Variants in BRD9 observed in about 807,000 individuals in gnomAD.
BRD9 encodes the protein bromodomain containing 9.
Under a neutral mutation model 68.7 loss-of-function variants are expected in BRD9, and 47 were observed. The ratio of observed to expected loss-of-function variants is 0.68; its 90% CI spans 0.54 to 0.87. BRD9 has a LOEUF of 0.87. BRD9 is among the 40% of genes least tolerant of loss of function. The pLI is 0.00. For missense variants in BRD9, 670 were observed against 748.4 expected (o/e 0.90, Z 1.22); for synonymous variants, 313 against 293.9 (o/e 1.06, Z -0.67).
chr5:887,254 G>A, intron 6 of BRD9, 107 bp downstream of exon 6: 1 of 916,092 alleles, frequency 1.1e-6, no homozygotes, highest in South Asian at 1.5e-5. Context: ...CCATGAGGGT[G>A]GCGGGTGGAT....
intron 8 of BRD9, chr5:882,358 GGCCACAACCTCCAGCACACAA>G (rs1751895735): frequency 6.5e-6 from 1 of 153,738 alleles, no homozygotes; most frequent in Admixed American, 6.6e-5. Flanking sequence ...GAGCCACGCA[GGCCACAACCTCCAGCACACAA>G]GCCACATAAA....
At chr5:876,689 T>C (rs1469452573) in intron 11 of BRD9, among the ~76,000 whole-genome samples, 1 of 152,020 alleles carries the variant, frequency 6.6e-6, no homozygotes, top group Non-Finnish European at 1.5e-5. Context: ...AAATAAAATA[T>C]AATACAATCT....
At chr5:891,418 C>G in intron 2 of BRD9, 131 bp from the exon 3 acceptor site, 1 of 1,386,282 alleles carries the variant, frequency 7.2e-7, no homozygotes, top group South Asian at 1.5e-5. Flanking sequence ...CTCCTCATGC[C>G]AGGCTCCCTC....
In BRD9 at chr5:864,295, G is replaced by A. The variant is rs1445821883; in HGVS notation, c.*173C>T. On this transcript the variant is annotated 3_prime_UTR_variant, in exon 16 of 16. Transcript: ENST00000467963. ...CGTATGACTCCACTCCTCAGGGTTCGTGGGGCTTGGAGACTCTGCTGACAT... is the reference window on the plus strand; with the variant it reads ...CGTATGACTCCACTCCTCAGGGTTCATGGGGCTTGGAGACTCTGCTGACAT... The A allele has an allele frequency of 1.5e-5, 8 of 522,926 alleles. No homozygotes were observed. Among genetic ancestry groups the A allele is most frequent in the Admixed American group, 9.8e-5 (3 of 30,534 alleles). 32.4% of individuals were successfully genotyped at this position (522,926 alleles called of 1,614,324 possible).
chr5:891,108 A>C (rs1330264923), intron 3 of BRD9, 47 bp downstream of exon 3: 1 of 1,503,678 alleles, frequency 6.7e-7, no homozygotes, highest in Non-Finnish European at 8.9e-7. Context: ...CTCATTTACA[A>C]CGATGAGCTG....
chr5:872,543 C>A (rs2150567023), intron 12 of BRD9, among the ~76,000 whole-genome samples: 1 of 152,294 alleles, frequency 6.6e-6, no homozygotes, highest in African/African-American at 2.4e-5. Flanking sequence ...CTGGAAGGAG[C>A]CTGCAGGCCA....
At chr5:885,286 AAC>A (rs1752383813) in intron 7 of BRD9, among the ~76,000 whole-genome samples, 2 of 152,196 alleles carry the variant, frequency 1.3e-5, no homozygotes, top group African/African-American at 4.8e-5. Flanking sequence ...GTTGCCAAGC[AAC>A]ACACTCTGGC....
At position 883,911 on chromosome 5, in the gene BRD9, C is replaced by G. The variant is rs575706897; in HGVS notation, c.966+27G>C. ...CAGAGAGTCTGGGGCCACGTGGCAC[C>G]CTCTCTCGGTGGCCACAGAGCACTA... On this transcript the variant is annotated intron_variant, in intron 8 of 15. Coordinates refer to ENST00000467963, the MANE Select transcript of BRD9 (RefSeq NM_023924.5). 159 of 1,603,220 alleles carry G rather than the reference C, an allele frequency of 9.9e-5. 3 individuals are homozygous for G. The South Asian group carries it at 1.7e-3, about 17-fold the overall frequency.
At chr5:883,087 C>A in intron 8 of BRD9, 2 of 358,034 alleles carry the variant, frequency 5.6e-6, no homozygotes, top group East Asian at 7.4e-5. Context: ...CACGACCTCC[C>A]AACACGTGAG....
chr5:865,246 C>T (rs991209660), intron 15 of BRD9, among the ~76,000 whole-genome samples, 168 bp downstream of exon 15: 7 of 152,230 alleles, frequency 4.6e-5, no homozygotes, highest in East Asian at 1.9e-4. Flanking sequence ...GGCTCTGCAC[C>T]GAGGCCGCGA....
In BRD9 at chr5:871,186, G is replaced by A. The variant is rs111408993; in HGVS notation, c.1422+340C>T. On this transcript the variant is annotated intron_variant, in intron 13 of 15. Transcript: ENST00000467963. ...CACTGCCCTGCCAGCACTGGCCCCAGAGCCCACTGTGCTTGGGACAACACC... is the reference window on the plus strand; with the variant it reads ...CACTGCCCTGCCAGCACTGGCCCCAAAGCCCACTGTGCTTGGGACAACACC... 1.3e-4 allele frequency among the ~76,000 whole-genome samples: 20 copies of A among 152,306 alleles called. 1 individual carries two copies. Among genetic ancestry groups the A allele is most frequent in the African/African-American group, 4.8e-4 (20 of 41,568 alleles).
At chr5:891,930 C>T (rs950511683) in intron 1 of BRD9, 76 bp from the exon 2 acceptor site, 7 of 1,529,968 alleles carry the variant, frequency 4.6e-6, no homozygotes, top group South Asian at 1.2e-5. Flanking sequence ...CGTGAAGGTG[C>T]TAAGAGGGAA....
At chr5:872,395 C>G (rs1353753110) in intron 12 of BRD9, among the ~76,000 whole-genome samples, 1 of 152,228 alleles carries the variant, frequency 6.6e-6, no homozygotes, top group African/African-American at 2.4e-5. Context: ...TCCAAGTTCA[C>G]TTTCCCGAAA....
Position 881,153 on chromosome 5 carries a change from C to G in BRD9, c.996G>C (p.Gly332=), listed in dbSNP as rs1751688579. ...KMGYLKRNGD[G]SLLYSVVNTA... is the part of the protein sequence containing the mutation. Reference sequence around the variant, plus strand: ...TGTTGACCACGCTGTAGAGCAGGCTCCCGTCCCCGTTCCTCTTCAGATAGC... The same window carrying G: ...TGTTGACCACGCTGTAGAGCAGGCTGCCGTCCCCGTTCCTCTTCAGATAGC... The change falls in exon 9 of 16, where the codon GGG becomes GGC. Residue 332 remains glycine, a synonymous_variant. Coordinates refer to ENST00000467963, the MANE Select transcript of BRD9 (RefSeq NM_023924.5). The G allele has an allele frequency of 2.9e-5, 47 of 1,614,068 alleles. No homozygotes were observed. Among genetic ancestry groups the G allele is most frequent in the Non-Finnish European group, 3.9e-5 (46 of 1,180,046 alleles).
chr5:889,725 T>A, intron 3 of BRD9, 78 bp from the exon 4 acceptor site: 1 of 1,586,470 alleles, frequency 6.3e-7, no homozygotes, highest in Non-Finnish European at 8.6e-7. Context: ...TCACAGTATC[T>A]GTCTGTCTGG....
At chr5:871,494 T>C (rs773642121) in intron 13 of BRD9, 32 bp downstream of exon 13, 1 of 1,605,272 alleles carries the variant, frequency 6.2e-7, no homozygotes, top group South Asian at 1.1e-5. Context: ...GAGAATAATA[T>C]TTGGCTTGCC....
chr5:891,231 G>C lies in BRD9; in HGVS notation c.324C>G (p.Asp108Glu), dbSNP rs1462209878. 2 of 1,551,836 alleles carry C rather than the reference G, an allele frequency of 1.3e-6. No individual in the cohort carries two copies. Among genetic ancestry groups the C allele is most frequent in the Non-Finnish European group, 1.7e-6 (2 of 1,147,068 alleles). The stretch of plus-strand genomic sequence containing the variant: ...CCACCTTCTTCCCAGGATCAAAGTC[G>C]TCAGCCTCTCCCTCCGTGTCACAGT... ...REHCDTEGEA[D>E]DFDPGKKVEV... The change falls in exon 3 of 16, where the codon GAC (aspartate) becomes GAG (glutamate). Residue 108 changes from aspartate to glutamate, a missense_variant. Around this residue, in one of 5 missense-constraint regions of BRD9, gnomAD observed 161 missense variants for 148.1 expected, o/e 1.09. Coordinates refer to ENST00000467963, the MANE Select transcript of BRD9 (RefSeq NM_023924.5).
intron 8 of BRD9, chr5:882,933 A>G (rs1411841792): frequency 3.4e-5 from 9 of 266,798 alleles, no homozygotes; most frequent in African/African-American, 2.1e-4. Flanking sequence ...ACTTCCCAAC[A>G]TGCAAGCCAC....
chr5:871,627 C>T (rs9313245), intron 12 of BRD9, 63 bp from the exon 13 acceptor site: 21 of 1,468,118 alleles, frequency 1.4e-5, no homozygotes, highest in African/African-American at 4.2e-5. Flanking sequence ...ACGGACAATT[C>T]GCTGACATTA....
Sources: allele counts gnomAD v4.1 joint callset (sites outside exome capture counted in the v4.1 genomes callset), GRCh38; gene constraint gnomAD v4.1.1; regional missense constraint gnomAD v4.1.1; transcripts MANE v1.5; gene names NCBI Gene and HGNC (gene_info 2026-07-23, HGNC 2026-07-21).